SCFD2: variants seen among roughly 807,000 people sequenced by gnomAD.
SCFD2 encodes sec1 family domain-containing protein 2.
SCFD2 carries 54 observed loss-of-function variants against 58.9 expected under a neutral mutation model. The observed-to-expected ratio is 0.92, with a 90% CI of 0.74 to 1.15. The LOEUF (loss-of-function observed/expected upper bound fraction) is 1.15. SCFD2 is among the 50% of genes most tolerant of loss of function. The pLI is 0.00. For missense variants in SCFD2, 805 were observed against 836.6 expected (o/e 0.96, Z 0.47); for synonymous variants, 321 against 335.9 (o/e 0.96, Z 0.49).
intron 5 of SCFD2, among the ~76,000 whole-genome samples, chr4:52,922,128 C>T (rs1230275631): frequency 6.6e-6 from 1 of 152,172 alleles, no homozygotes; most frequent in Non-Finnish European, 1.5e-5. Context: ...CACCCACATC[C>T]TTGTCTCAAG....
At chr4:53,061,978 A>G (rs1723525823) in intron 5 of SCFD2, among the ~76,000 whole-genome samples, 1 of 152,116 alleles carries the variant, frequency 6.6e-6, no homozygotes, top group Non-Finnish European at 1.5e-5. Flanking sequence ...TCCAGATGTG[A>G]TGGCAGCCTT....
intron 5 of SCFD2, among the ~76,000 whole-genome samples, chr4:53,040,701 C>A (rs1251366610): frequency 3.9e-5 from 6 of 152,146 alleles, no homozygotes. Flanking sequence ...TAAGTTCTTC[C>A]AATGCATGCT....
chr4:53,251,526 T>G (rs2149039947), intron 4 of SCFD2, among the ~76,000 whole-genome samples: 1 of 152,300 alleles, frequency 6.6e-6, no homozygotes, highest in South Asian at 2.1e-4. Context: ...ATCAAAAAGC[T>G]TATCCACCAT....
chr4:53,285,416 C>T (rs1221972320), intron 3 of SCFD2, among the ~76,000 whole-genome samples: 1 of 152,008 alleles, frequency 6.6e-6, no homozygotes, highest in Admixed American at 6.6e-5. Flanking sequence ...TTCCCACCTA[C>T]AGTCATGGGC....
chr4:53,301,668 A>G (rs959199279), intron 3 of SCFD2, among the ~76,000 whole-genome samples: 50 of 152,226 alleles, frequency 3.3e-4, no homozygotes, highest in Admixed American at 3.3e-4. Flanking sequence ...TTTTAGACCA[A>G]TATCATTGAT....
intron 2 of SCFD2, among the ~76,000 whole-genome samples, chr4:53,334,281 GC>G (rs1208011747): frequency 6.6e-6 from 1 of 152,054 alleles, no homozygotes; most frequent in African/African-American, 2.4e-5. Context: ...AAATCTTGCT[GC>G]TATAAAGACA....
At chr4:52,897,103 C>G (rs1246089520) in intron 7 of SCFD2, among the ~76,000 whole-genome samples, 1 of 152,216 alleles carries the variant, frequency 6.6e-6, no homozygotes, top group African/African-American at 2.4e-5. Flanking sequence ...CATCTGCAAA[C>G]AGGGACAATT....
At chr4:52,992,225 C>T (rs1008957893) in intron 5 of SCFD2, among the ~76,000 whole-genome samples, 3 of 152,202 alleles carry the variant, frequency 2.0e-5, no homozygotes, top group East Asian at 1.9e-4. Flanking sequence ...GACGGGGTTT[C>T]GCTGTGTTGG....
At chr4:53,088,495 T>A (rs1396328802) in intron 5 of SCFD2, among the ~76,000 whole-genome samples, 1 of 152,208 alleles carries the variant, frequency 6.6e-6, no homozygotes, top group Admixed American at 6.5e-5. Context: ...TAAGATCTCA[T>A]GGAGTTTGGC....
At chr4:52,874,654 G>A (rs753506717) in intron 8 of SCFD2, among the ~76,000 whole-genome samples, 3 of 152,176 alleles carry the variant, frequency 2.0e-5, no homozygotes, top group Admixed American at 6.5e-5. Context: ...TAAGGGCTGC[G>A]AGGGAATCTG....
At chr4:53,310,165 T>TA (rs1560441173) in intron 3 of SCFD2, among the ~76,000 whole-genome samples, 1 of 151,988 alleles carries the variant, frequency 6.6e-6, no homozygotes, top group South Asian at 2.1e-4. Flanking sequence ...GGCTTTCCAG[T>TA]AAAAAAGTGT....
At chr4:53,226,727 G>A (rs868825223) in intron 4 of SCFD2, among the ~76,000 whole-genome samples, 11 of 152,112 alleles carry the variant, frequency 7.2e-5, no homozygotes, top group Non-Finnish European at 1.3e-4. Flanking sequence ...ATCAGTGCAA[G>A]AGGATGGGCA....
At chr4:53,260,581 A>G (rs965421146) in intron 4 of SCFD2, among the ~76,000 whole-genome samples, 2 of 152,116 alleles carry the variant, frequency 1.3e-5, no homozygotes, top group African/African-American at 4.8e-5. Context: ...ATGACACCCA[A>G]CTGATCATGG....
At chr4:53,213,487 A>G (rs1728691918) in intron 4 of SCFD2, among the ~76,000 whole-genome samples, 2 of 152,136 alleles carry the variant, frequency 1.3e-5, no homozygotes, top group Admixed American at 6.5e-5. Flanking sequence ...GCTTTCAGTC[A>G]TGCTCTGTAA....
chr4:53,079,554 G>T (rs1724080709), intron 5 of SCFD2, among the ~76,000 whole-genome samples: 1 of 152,146 alleles, frequency 6.6e-6, no homozygotes, highest in Non-Finnish European at 1.5e-5. Context: ...AGAATATTCT[G>T]CAATTACTCT....
chr4:53,157,513 T>C (rs943215343), intron 4 of SCFD2, among the ~76,000 whole-genome samples: 6 of 152,216 alleles, frequency 3.9e-5, no homozygotes, highest in Admixed American at 6.5e-5. Flanking sequence ...AAACAATATA[T>C]AGCAGCCTAT....
At chr4:53,059,074 T>G (rs1480450191) in intron 5 of SCFD2, among the ~76,000 whole-genome samples, 1 of 152,112 alleles carries the variant, frequency 6.6e-6, no homozygotes, top group African/African-American at 2.4e-5. Context: ...GATTGCAAGT[T>G]TCTACTAGAA....
intron 3 of SCFD2, among the ~76,000 whole-genome samples, chr4:53,290,445 G>A (rs902051878): frequency 5.3e-5 from 8 of 152,028 alleles, no homozygotes; most frequent in African/African-American, 1.9e-4. Flanking sequence ...GAAACAAAAT[G>A]TATCTTACCC....
intron 5 of SCFD2, among the ~76,000 whole-genome samples, chr4:53,021,180 A>C (rs1405582192): frequency 6.6e-6 from 1 of 152,236 alleles, no homozygotes; most frequent in African/African-American, 2.4e-5. Context: ...CTTTTAATTC[A>C]TGACAGAGTT....
Sources: allele counts gnomAD v4.1 joint callset (sites outside exome capture counted in the v4.1 genomes callset), GRCh38; gene constraint gnomAD v4.1.1; transcripts MANE v1.5; gene names NCBI Gene and HGNC (gene_info 2026-07-23, HGNC 2026-07-21).